PRKN: variants seen among roughly 807,000 people sequenced by gnomAD.
PRKN encodes the protein parkin RBR E3 ubiquitin protein ligase.
A neutral mutation model predicts 59.5 loss-of-function variants in PRKN; 56 were observed. That is an observed-to-expected ratio of 0.94 (90% confidence interval 0.76 to 1.18). The LOEUF is 1.18. PRKN is among the 50% of genes most tolerant of loss of function. The pLI, the probability that PRKN is intolerant of heterozygous loss-of-function variation, is 0.00. For missense variants in PRKN, 657 were observed against 596.4 expected (o/e 1.10, Z -1.06); for synonymous variants, 250 against 222.1 (o/e 1.13, Z -1.12).
intron 8 of PRKN, among the ~76,000 whole-genome samples, chr6:161,556,166 T>C (rs1002473944): frequency 6.6e-6 from 1 of 152,200 alleles, no homozygotes; most frequent in African/African-American, 2.4e-5. Flanking sequence ...TTCCATTCAT[T>C]AGCTAGGGAA....
chr6:162,452,442 T>A (rs566961886), intron 1 of PRKN, among the ~76,000 whole-genome samples: 1 of 152,078 alleles, frequency 6.6e-6, no homozygotes, highest in African/African-American at 2.4e-5. Context: ...TTAGAACATA[T>A]AATATGTATG....
At chr6:162,440,101 C>T (rs1160317625) in intron 2 of PRKN, among the ~76,000 whole-genome samples, 1 of 151,486 alleles carries the variant, frequency 6.6e-6, no homozygotes, top group Non-Finnish European at 1.5e-5. Flanking sequence ...CCAGATCATT[C>T]GTTTTCAATG....
intron 4 of PRKN, among the ~76,000 whole-genome samples, chr6:162,184,864 AGTAAACCAATT>A (rs773199202): frequency 3.8e-4 from 58 of 152,194 alleles, no homozygotes; most frequent in Non-Finnish European, 3.4e-4. Flanking sequence ...AGAAACTTAA[AGTAAACCAATT>A]TTCTCCACTT....
chr6:161,944,335 T>C (rs1389748087), intron 6 of PRKN, among the ~76,000 whole-genome samples: 3 of 152,224 alleles, frequency 2.0e-5, no homozygotes, highest in Admixed American at 1.3e-4. Flanking sequence ...CAGGATACCC[T>C]GTAGTGCTCT....
rs541820238 is a variant in PRKN at position 162,622,163 on chromosome 6, C to T, written c.7+105499G>A. ...AAAACATGTTTAGGCATCAACAGTT[C>T]CCTTTCCATTATTTGGTTTAATACA... On this transcript the variant is annotated intron_variant, in intron 1 of 11. Transcript: ENST00000366898. Among the ~76,000 whole-genome samples the T allele has an allele frequency of 5.9e-5, 9 of 152,198 alleles. No homozygotes were observed. The South Asian group carries it at 1.7e-3, about 28-fold the overall frequency.
At chr6:162,540,807 CAAAAA>C (rs59944356) in intron 1 of PRKN, among the ~76,000 whole-genome samples, 1 of 126,458 alleles carries the variant, frequency 7.9e-6, no homozygotes, top group Non-Finnish European at 1.6e-5. Flanking sequence ...AACTCTGGCT[CAAAAA>C]AAAAAAAAAA....
chr6:162,372,901 T>C (rs1785850570), intron 2 of PRKN, among the ~76,000 whole-genome samples: 2 of 152,206 alleles, frequency 1.3e-5, no homozygotes, highest in Non-Finnish European at 2.9e-5. Context: ...AGACTGAGTA[T>C]GTAGAATGGA....
At chr6:162,377,688 A>G (rs963929882) in intron 2 of PRKN, among the ~76,000 whole-genome samples, 1 of 152,172 alleles carries the variant, frequency 6.6e-6, no homozygotes, top group African/African-American at 2.4e-5. Flanking sequence ...GGCTGCCAGC[A>G]CTGGGACAGG....
At chr6:161,875,052 A>ATAAAGTATATAATATAATAAATTATATAT (rs1349388369) in intron 6 of PRKN, among the ~76,000 whole-genome samples, 1 of 119,628 alleles carries the variant, frequency 8.4e-6, no homozygotes, top group African/African-American at 3.6e-5. Flanking sequence ...TATATTATAT[A>ATAAAGTATATAATATAATAAATTATATAT]TAAAGTATAT....
chr6:162,565,702 ATACATAC>A (rs746992748), intron 1 of PRKN, among the ~76,000 whole-genome samples: 833 of 67,216 alleles, frequency 0.012, 1 homozygote, highest in African/African-American at 0.042. Context: ...AAATAAATAC[ATACATAC>A]ATACATACAT....
At position 161,393,905 on chromosome 6, in the gene PRKN, G is replaced by C. The variant is rs943522812; in HGVS notation, c.1084-7028C>G. Among the ~76,000 whole-genome samples the C allele has an allele frequency of 6.6e-6, 1 of 152,106 alleles. No individual in the cohort carries two copies. The highest frequency in any genetic ancestry group is 1.5e-5 in the Non-Finnish European group (1 of 68,040). On this transcript the variant is annotated intron_variant, in intron 9 of 11. Transcript: ENST00000366898. The surrounding 1 kb of genome is among the most constrained non-coding windows in gnomAD (Gnocchi z 4.7). ...AATACCATCTTAGGACCCCTTACTA[G>C]AGTCAAGGCAAACATCAAAGGCATG...
chr6:161,478,519 T>C (rs1791234349), intron 9 of PRKN, among the ~76,000 whole-genome samples: 1 of 152,112 alleles, frequency 6.6e-6, no homozygotes, highest in African/African-American at 2.4e-5. Flanking sequence ...ACTCTCAAAA[T>C]AGCTGTTATG....
At chr6:162,037,651 A>G (rs1429246103) in intron 5 of PRKN, among the ~76,000 whole-genome samples, 2 of 151,872 alleles carry the variant, frequency 1.3e-5, no homozygotes, top group Admixed American at 6.6e-5. Flanking sequence ...GGTTCAAGCA[A>G]TTCTCCTGCC....
chr6:162,229,082 G>C (rs566335909), intron 3 of PRKN, among the ~76,000 whole-genome samples: 3 of 152,222 alleles, frequency 2.0e-5, no homozygotes, highest in African/African-American at 7.2e-5. Flanking sequence ...TCTACCCTTT[G>C]CTTTTTGCTA....
At chr6:162,082,875 A>G (rs1779112229) in intron 4 of PRKN, among the ~76,000 whole-genome samples, 1 of 152,070 alleles carries the variant, frequency 6.6e-6, no homozygotes, top group Non-Finnish European at 1.5e-5. Flanking sequence ...ACCATCTCAT[A>G]TGGGTGTGGT....
intron 4 of PRKN, among the ~76,000 whole-genome samples, chr6:162,126,116 T>C (rs147688653): frequency 1.3e-3 from 200 of 152,284 alleles, no homozygotes; most frequent in Middle Eastern, 6.8e-3. Context: ...TATTAACTGT[T>C]TTAACACTGT....
rs1787335827 is a variant in PRKN at position 161,407,555 on chromosome 6, T to C, written c.1084-20678A>G. Among the ~76,000 whole-genome samples, 1 of 152,168 alleles carries C rather than the reference T, an allele frequency of 6.6e-6. No individual in the cohort carries two copies. Among genetic ancestry groups the C allele is most frequent in the South Asian group, 2.1e-4 (1 of 4,832 alleles). On this transcript the variant is annotated intron_variant, in intron 9 of 11. Coordinates refer to ENST00000366898, the MANE Select transcript of PRKN (RefSeq NM_004562.3). The surrounding 1 kb of genome is among the most constrained non-coding windows in gnomAD (Gnocchi z 4.9). ...TACAATATCCTGATTTCAGAAATGTTAAAATACACAAAAAGGTACTTCTTA... is the reference window on the plus strand; with the variant it reads ...TACAATATCCTGATTTCAGAAATGTCAAAATACACAAAAAGGTACTTCTTA...
At chr6:162,579,439 C>T (rs1403922079) in intron 1 of PRKN, among the ~76,000 whole-genome samples, 5 of 150,936 alleles carry the variant, frequency 3.3e-5, no homozygotes, top group African/African-American at 1.2e-4. Flanking sequence ...CACACATTCA[C>T]ACACAGAAAT....
At position 161,713,736 on chromosome 6, in the gene PRKN, C is replaced by T. The variant is rs145245860; in HGVS notation, c.871+72036G>A. Among the ~76,000 whole-genome samples, 262 of 152,258 alleles carry T rather than the reference C, an allele frequency of 1.7e-3. 2 individuals carry two copies. Among genetic ancestry groups the T allele is most frequent in the African/African-American group, 5.5e-3 (227 of 41,558 alleles). ...TAAAAAGGGTGCTCCAGGTTTGTAA[C>T]ACCGTGGTATGGTTTGACTCTGTCC... On this transcript the variant is annotated intron_variant, in intron 7 of 11. Transcript: ENST00000366898.
Sources: gnomAD v4.1 joint callset for allele counts (sites outside exome capture counted in the v4.1 genomes callset) on GRCh38, gnomAD v4.1.1 for gene constraint, Gnocchi (gnomAD v3.1) non-coding constraint, MANE v1.5 for transcripts, NCBI Gene and HGNC (gene_info 2026-07-23, HGNC 2026-07-21) for gene names.